The following KCNMA1 variants were observed in gnomAD, a reference collection of about 807,000 sequenced individuals.
KCNMA1 encodes the protein potassium calcium-activated channel subfamily M alpha 1.
Under a neutral mutation model 140.0 loss-of-function variants are expected in KCNMA1, and 29 were observed. The observed-to-expected ratio is 0.21, with a 90% CI of 0.15 to 0.28. The LOEUF is 0.28. Among genes scored for constraint, KCNMA1 ranks in the 10% least tolerant of loss-of-function variants. The pLI is 1.00. For synonymous variants in KCNMA1, 612 were observed against 611.9 expected (o/e 1.00, Z 0.00); for missense variants, 880 against 1,602.2 (o/e 0.55, Z 7.70).
At chr10:77,166,890 T>TCAA (rs1304204514) in intron 5 of KCNMA1, among the ~76,000 whole-genome samples, 1 of 152,196 alleles carries the variant, frequency 6.6e-6, no homozygotes, top group East Asian at 1.9e-4. Context: ...GATACATCCA[T>TCAA]ATTGTCAAAC....
chr10:77,525,902 C>T (rs941269220), intron 1 of KCNMA1, among the ~76,000 whole-genome samples: 3 of 152,178 alleles, frequency 2.0e-5, no homozygotes, highest in Admixed American at 6.5e-5. Flanking sequence ...TAGTTTACAT[C>T]AGGGCATTCC....
intron 5 of KCNMA1, among the ~76,000 whole-genome samples, chr10:77,177,113 T>C (rs1423184407): frequency 3.3e-5 from 5 of 152,068 alleles, no homozygotes; most frequent in Non-Finnish European, 7.4e-5. Flanking sequence ...CATGGAATCT[T>C]CCCTAGAGCC....
intron 2 of KCNMA1, among the ~76,000 whole-genome samples, chr10:77,391,667 C>T (rs762243761): frequency 1.3e-5 from 2 of 151,916 alleles, no homozygotes; most frequent in Non-Finnish European, 2.9e-5. Flanking sequence ...AAAAGCCTCA[C>T]TCTGGACCCA....
chr10:77,199,931 A>C (rs890102693), intron 3 of KCNMA1, among the ~76,000 whole-genome samples: 1 of 152,018 alleles, frequency 6.6e-6, no homozygotes, highest in African/African-American at 2.4e-5. Flanking sequence ...AGCTGACAGA[A>C]GTTTATTTAT....
At chr10:76,916,165 T>C (rs998908500) in intron 23 of KCNMA1, among the ~76,000 whole-genome samples, 8 of 152,222 alleles carry the variant, frequency 5.3e-5, no homozygotes, top group East Asian at 1.9e-4. Flanking sequence ...TCCTGACTAA[T>C]GTATATGCCA....
At chr10:76,976,427 GGAGA>G (rs2077540663) in intron 19 of KCNMA1, among the ~76,000 whole-genome samples, 1 of 152,082 alleles carries the variant, frequency 6.6e-6, no homozygotes, top group South Asian at 2.1e-4. Context: ...CTCCTCCATA[GGAGA>G]GAGAAAAAAA....
At chr10:77,372,139 C>T (rs1188303260) in intron 2 of KCNMA1, among the ~76,000 whole-genome samples, 1 of 152,144 alleles carries the variant, frequency 6.6e-6, no homozygotes, top group East Asian at 1.9e-4. Flanking sequence ...AGCTATCAAC[C>T]ATATCATCAC....
chr10:77,525,699 C>A (rs933300771), intron 1 of KCNMA1, among the ~76,000 whole-genome samples: 50 of 152,354 alleles, frequency 3.3e-4, no homozygotes, highest in Non-Finnish European at 6.5e-4. Flanking sequence ...CTTCCAAGTT[C>A]TAGCATTCTG....
intron 2 of KCNMA1, among the ~76,000 whole-genome samples, chr10:77,381,253 T>C (rs961233727): frequency 2.6e-5 from 4 of 152,058 alleles, no homozygotes; most frequent in Non-Finnish European, 5.9e-5. Flanking sequence ...CAGGGGAAGA[T>C]AGATGATAAG....
chr10:77,572,001 C>G (rs1281607777), intron 1 of KCNMA1, among the ~76,000 whole-genome samples: 1 of 152,142 alleles, frequency 6.6e-6, no homozygotes, highest in Non-Finnish European at 1.5e-5. Context: ...AACGCACACG[C>G]CTGTGTAGTC....
At chr10:77,248,845 C>T (rs1056550966) in intron 3 of KCNMA1, among the ~76,000 whole-genome samples, 11 of 152,152 alleles carry the variant, frequency 7.2e-5, no homozygotes, top group Admixed American at 1.3e-4. Context: ...CTCTCCCAAA[C>T]TAAAACTGAG....
At position 76,885,741 on chromosome 10, in the gene KCNMA1, T is replaced by C. The variant is rs2036596427; in HGVS notation, c.*1525A>G. The C allele has an allele frequency of 2.0e-6, 2 of 985,394 alleles. No individual in the cohort carries two copies. The highest frequency in any genetic ancestry group is 3.5e-5 in the African/African-American group (2 of 57,356). 61.0% of individuals were successfully genotyped at this position (985,394 alleles called of 1,614,324 possible). On this transcript the variant is annotated 3_prime_UTR_variant, in exon 28 of 28. Transcript: ENST00000286628. Reference sequence around the variant, plus strand: ...GGCCAGTTTTTAAGAAATACCGCACTGCCTAAAGCATGATTTGCATGCACA... The same window carrying C: ...GGCCAGTTTTTAAGAAATACCGCACCGCCTAAAGCATGATTTGCATGCACA...
chr10:76,883,932 A>T (rs1424008561), downstream of KCNMA1: 1 of 844,478 alleles, frequency 1.2e-6, no homozygotes, highest in Admixed American at 6.2e-5. Flanking sequence ...AGTAGTAATG[A>T]TCCTTCTCCA....
chr10:77,027,700 G>C, intron 16 of KCNMA1, 123 bp downstream of exon 16: 1 of 838,122 alleles, frequency 1.2e-6, no homozygotes, highest in Non-Finnish European at 2.1e-6. Flanking sequence ...GGGTCAGAGA[G>C]GTTTTACATC....
intron 2 of KCNMA1, among the ~76,000 whole-genome samples, chr10:77,261,109 C>T (rs1445536560): frequency 6.6e-6 from 1 of 152,020 alleles, no homozygotes; most frequent in East Asian, 1.9e-4. Context: ...ACCTGCATGC[C>T]CCCCAGCAGT....
intron 1 of KCNMA1, among the ~76,000 whole-genome samples, chr10:77,564,089 G>T (rs1298739562): frequency 6.6e-6 from 1 of 152,210 alleles, no homozygotes; most frequent in Non-Finnish European, 1.5e-5. Flanking sequence ...TAAAGTCCAA[G>T]AGATATTGGC....
chr10:76,948,378 T>C (rs2065020483), intron 22 of KCNMA1, among the ~76,000 whole-genome samples: 2 of 152,220 alleles, frequency 1.3e-5, no homozygotes, highest in Admixed American at 6.5e-5. Flanking sequence ...TGCATGAATT[T>C]GTGATGTGGA....
rs139008651 is a variant in KCNMA1, at chr10:76,968,959, G to T, written c.2360+1015C>A. Among the ~76,000 whole-genome samples the T allele has an allele frequency of 4.8e-3, 732 of 152,178 alleles. 20 individuals carry two copies. The highest frequency in any genetic ancestry group is 0.043 in the Admixed American group (655 of 15,276). On this transcript the variant is annotated intron_variant, in intron 20 of 27. Coordinates refer to ENST00000286628, the MANE Select transcript of KCNMA1 (RefSeq NM_001161352.2). The stretch of plus-strand genomic sequence containing the variant: ...CTATTCTATTTCAAAAATCAAAGCC[G>T]GTGGCCATGAAAAGACAAAACTAAT...
rs554754313 is a variant in KCNMA1, at chr10:77,444,710, C to T, written c.379-40687G>A. 5.3e-5 allele frequency among the ~76,000 whole-genome samples: 8 copies of T among 152,240 alleles called. No homozygotes were observed. The South Asian group carries it at 6.2e-4, about 12-fold the overall frequency. On this transcript the variant is annotated intron_variant, in intron 1 of 27. Coordinates refer to ENST00000286628, the MANE Select transcript of KCNMA1 (RefSeq NM_001161352.2). ...CTGGAGATTGTCCTGGGAACTTCCC[C>T]GGCATTCAAAAAGACTTGAGGACCA...
Sources: allele counts gnomAD v4.1 joint callset (sites outside exome capture counted in the v4.1 genomes callset), GRCh38; gene constraint gnomAD v4.1.1; transcripts MANE v1.5; gene names NCBI Gene and HGNC (gene_info 2026-07-23, HGNC 2026-07-21).